The following EVI5 variants were observed in gnomAD, a reference collection of about 807,000 sequenced individuals.
EVI5 encodes ecotropic viral integration site 5 protein homolog.
EVI5 carries 73 observed loss-of-function variants against 112.0 expected under a neutral mutation model. That is an observed-to-expected ratio of 0.65 (90% CI 0.54 to 0.79). The LOEUF is 0.79. EVI5 is among the 30% of genes least tolerant of loss of function. EVI5 has a pLI of 0.00. For synonymous variants in EVI5, 305 were observed against 319.9 expected, an observed-to-expected ratio of 0.95 and a Z score of 0.50; for missense variants, 900 against 968.8, an observed-to-expected ratio of 0.93 and a Z score of 0.94.
At chr1:92,700,128 G>C (rs1670921670) in intron 5 of EVI5, among the ~76,000 whole-genome samples, 1 of 152,150 alleles carries the variant, frequency 6.6e-6, no homozygotes, top group Non-Finnish European at 1.5e-5. Flanking sequence ...TTGTTTTATA[G>C]TCATTCCTTT....
intron 16 of EVI5, among the ~76,000 whole-genome samples, chr1:92,614,899 T>C (rs1652759934): frequency 6.8e-6 from 1 of 147,508 alleles, no homozygotes; most frequent in Admixed American, 6.8e-5. Flanking sequence ...CTATTATTCC[T>C]ATATATATCC....
chr1:92,543,120 T>C (rs1665099088), intron 19 of EVI5, among the ~76,000 whole-genome samples: 1 of 152,232 alleles, frequency 6.6e-6, no homozygotes, highest in Non-Finnish European at 1.5e-5. Context: ...TCTCTGTCGC[T>C]AGGAAAGCCA....
chr1:92,711,267 G>A (rs1186057485), intron 2 of EVI5, among the ~76,000 whole-genome samples: 2 of 152,132 alleles, frequency 1.3e-5, no homozygotes, highest in African/African-American at 4.8e-5. Flanking sequence ...CATAAGCAAG[G>A]TGAACGCCAC....
intron 9 of EVI5, among the ~76,000 whole-genome samples, chr1:92,685,972 A>C (rs1049020071): frequency 1.6e-4 from 24 of 152,180 alleles, no homozygotes; most frequent in African/African-American, 5.6e-4. Flanking sequence ...CAGAGGTACA[A>C]AAAGGAGCTT....
chr1:92,557,698 G>A (rs568092248), intron 19 of EVI5, among the ~76,000 whole-genome samples: 1 of 151,398 alleles, frequency 6.6e-6, no homozygotes, highest in East Asian at 2.0e-4. Context: ...ATTGTTCTCT[G>A]ACAAATCATA....
chr1:92,544,480 CCAA>C (rs1665347724), intron 19 of EVI5, among the ~76,000 whole-genome samples: 1 of 151,964 alleles, frequency 6.6e-6, no homozygotes, highest in African/African-American at 2.4e-5. Context: ...AAAATATTCA[CCAA>C]CAACATAAAT....
At chr1:92,647,895 C>T (rs1572095833) in intron 13 of EVI5, among the ~76,000 whole-genome samples, 2 of 151,660 alleles carry the variant, frequency 1.3e-5, no homozygotes, top group African/African-American at 4.8e-5. Context: ...CCACCATGCA[C>T]CACCATGCCC....
intron 18 of EVI5, among the ~76,000 whole-genome samples, chr1:92,597,341 T>C (rs530708059): frequency 6.6e-6 from 1 of 152,336 alleles, no homozygotes; most frequent in East Asian, 1.9e-4. Flanking sequence ...TTCTAAAGCA[T>C]ATGTGAGGAT....
chr1:92,735,686 C>CAT (rs3042592), intron 2 of EVI5, among the ~76,000 whole-genome samples: 127,881 of 140,194 alleles, frequency 0.91, 58,370 homozygotes, highest in East Asian at 0.97. Flanking sequence ...TTATATATAA[C>CAT]ATATATATGA....
At chr1:92,610,438 C>G (rs1367245344) in intron 16 of EVI5, among the ~76,000 whole-genome samples, 1 of 151,952 alleles carries the variant, frequency 6.6e-6, no homozygotes, top group Non-Finnish European at 1.5e-5. Context: ...ACATAAAACC[C>G]AAGAACTGAC....
At chr1:92,666,976 C>T (rs1665022245) in intron 10 of EVI5, among the ~76,000 whole-genome samples, 2 of 152,136 alleles carry the variant, frequency 1.3e-5, no homozygotes, top group East Asian at 1.9e-4. Flanking sequence ...AAAAAATGCA[C>T]GTTCATAGGC....
chr1:92,556,818 A>AT (rs941126310), intron 19 of EVI5, among the ~76,000 whole-genome samples: 25 of 148,376 alleles, frequency 1.7e-4, no homozygotes, highest in African/African-American at 4.7e-4. Context: ...TTACCCTTTT[A>AT]TTTTTTTTTT....
rs539210533 is a variant in EVI5 at position 92,754,003 on chromosome 1, T to C, written c.-81-17376A>G. On this transcript the variant is annotated intron_variant, in intron 1 of 19. Transcript: ENST00000684568. ...TGAAAGTCATCTAGGAAAGATTGTA[T>C]CCTAACCCAAGCCCCAGAGAATAGT... is the stretch of plus-strand genomic sequence containing the variant. Among the ~76,000 whole-genome samples the C allele has an allele frequency of 4.7e-4, 72 of 152,264 alleles. No homozygotes were observed. The South Asian group carries it at 0.012, about 25-fold the overall frequency.
chr1:92,608,323 T>C (rs577237687), intron 16 of EVI5, among the ~76,000 whole-genome samples: 12 of 152,266 alleles, frequency 7.9e-5, no homozygotes, highest in African/African-American at 2.9e-4. Context: ...CTTTCTAAGA[T>C]TGGCAATGGG....
chr1:92,566,273 TA>T (rs1298733957), intron 18 of EVI5, among the ~76,000 whole-genome samples: 1 of 152,202 alleles, frequency 6.6e-6, no homozygotes, highest in Non-Finnish European at 1.5e-5. Flanking sequence ...TCTATAGACT[TA>T]AAAATTTTTT....
At chr1:92,625,385 T>C (rs1655448176) in intron 15 of EVI5, among the ~76,000 whole-genome samples, 1 of 152,188 alleles carries the variant, frequency 6.6e-6, no homozygotes, top group African/African-American at 2.4e-5. Context: ...ATGTCATTTA[T>C]CTGGTGAGGT....
intron 2 of EVI5, among the ~76,000 whole-genome samples, chr1:92,725,583 C>A (rs1422722893): frequency 6.6e-6 from 1 of 151,958 alleles, no homozygotes; most frequent in Non-Finnish European, 1.5e-5. Flanking sequence ...ATTAGCAGGG[C>A]ATGATGGCAC....
At chr1:92,710,278 G>A (rs186184739) in intron 2 of EVI5, among the ~76,000 whole-genome samples, 2 of 151,810 alleles carry the variant, frequency 1.3e-5, no homozygotes, top group Non-Finnish European at 2.9e-5. Flanking sequence ...CGGAAGTTGA[G>A]ACTGCAGTGT....
chr1:92,515,172 A>G (rs753799260), intron 19 of EVI5, among the ~76,000 whole-genome samples: 8 of 152,214 alleles, frequency 5.3e-5, no homozygotes, highest in Non-Finnish European at 1.2e-4. Context: ...GGAGTTTTAT[A>G]GTACAAGACC....
Sources: allele counts gnomAD v4.1 joint callset (sites outside exome capture counted in the v4.1 genomes callset), GRCh38; gene constraint gnomAD v4.1.1; transcripts MANE v1.5; gene names NCBI Gene and HGNC (gene_info 2026-07-23, HGNC 2026-07-21).